The following SLC16A2 variants were observed in gnomAD, a reference collection of about 807,000 sequenced individuals.
SLC16A2 encodes the protein monocarboxylate transporter 8.
SLC16A2 carries 3 observed loss-of-function variants against 27.2 expected under a neutral mutation model. The ratio of observed to expected loss-of-function variants is 0.11; its 90% CI spans 0.05 to 0.28. The LOEUF is 0.28. Among genes scored for constraint, SLC16A2 ranks in the 10% least tolerant of loss-of-function variants. The pLI, the probability that SLC16A2 is intolerant of heterozygous loss-of-function variation, is 1.00. For synonymous variants in SLC16A2, 202 were observed against 187.8 expected (o/e 1.08, Z -0.62); for missense variants, 295 against 458.5 (o/e 0.64, Z 3.26).
At position 74,533,850 on chromosome X, in the gene SLC16A2, G is replaced by A. The variant is rs1054186844; in HGVS notation, c.*2297G>A. On this transcript the variant is annotated 3_prime_UTR_variant, in exon 6 of 6. Coordinates refer to ENST00000587091, the MANE Select transcript of SLC16A2 (RefSeq NM_006517.5). Reference sequence around the variant, plus strand: ...TAAATCTAGAACGAACAAAATTTCAGAGCTCAAGACATGGGACATTTAAAT... The same window carrying A: ...TAAATCTAGAACGAACAAAATTTCAAAGCTCAAGACATGGGACATTTAAAT... 1.8e-5 allele frequency: 2 copies of A among 112,589 alleles called. No homozygotes were observed. The highest frequency in any genetic ancestry group is 6.5e-5 in the African/African-American group (2 of 30,883). The allele number at this position is 112,589 out of a possible 1,213,427, so 9.3% of individuals were successfully genotyped here.
chrX:74,509,791 T>C (rs1339261285), intron 1 of SLC16A2, among the ~76,000 whole-genome samples: 1 of 112,254 alleles, frequency 8.9e-6, no homozygotes, highest in Non-Finnish European at 1.9e-5. Context: ...TGGCTTGAAC[T>C]CCTGACCTCA....
At chrX:74,492,385 T>A (rs1929845307) in intron 1 of SLC16A2, among the ~76,000 whole-genome samples, 1 of 111,109 alleles carries the variant, frequency 9.0e-6, no homozygotes, top group Non-Finnish European at 1.9e-5. Flanking sequence ...GAGCTCCCTG[T>A]CATCACCGAG....
At chrX:74,444,802 C>A (rs988624271) in intron 1 of SLC16A2, among the ~76,000 whole-genome samples, 1 of 111,820 alleles carries the variant, frequency 8.9e-6, no homozygotes, top group African/African-American at 3.3e-5. Flanking sequence ...CTTCCATATA[C>A]ACAATAATGC....
At position 74,499,223 on chromosome X, in the gene SLC16A2, T is replaced by G. The variant is rs146886209; in HGVS notation, c.431-21767T>G. ...CATTCTTAATATCTGATTAGTCTGC[T>G]CTCAGAAAGAATCCTGTTTGGTCAA... On this transcript the variant is annotated intron_variant, in intron 1 of 5. Coordinates refer to ENST00000587091, the MANE Select transcript of SLC16A2 (RefSeq NM_006517.5). Among the ~76,000 whole-genome samples, 17 of 111,051 alleles carry G rather than the reference T, an allele frequency of 1.5e-4. No homozygotes were observed. The East Asian group carries it at 4.8e-3, about 32-fold the overall frequency.
At chrX:74,514,078 G>A (rs919814541) in intron 1 of SLC16A2, among the ~76,000 whole-genome samples, 5 of 111,621 alleles carry the variant, frequency 4.5e-5, no homozygotes, top group African/African-American at 1.6e-4. Flanking sequence ...AGCTAAAAAT[G>A]CTGGACATTA....
chrX:74,513,788 T>C (rs1219742490), intron 1 of SLC16A2, among the ~76,000 whole-genome samples: 1 of 111,343 alleles, frequency 9.0e-6, no homozygotes, highest in Non-Finnish European at 1.9e-5. Flanking sequence ...ATAGAAAATT[T>C]TATTCTGGCC....
chrX:74,507,065 C>CA (rs1930148168), intron 1 of SLC16A2, among the ~76,000 whole-genome samples: 1 of 108,440 alleles, frequency 9.2e-6, no homozygotes, highest in East Asian at 2.9e-4. Context: ...GCTCCCCCCC[C>CA]AACCACAAGT....
Position 74,533,524 on chromosome X carries a change from C to T in SLC16A2, c.*1971C>T, listed in dbSNP as rs917187817. The T allele has an allele frequency of 8.9e-6, 1 of 112,368 alleles. No homozygotes were observed. Among genetic ancestry groups the T allele is most frequent in the African/African-American group, 3.3e-5 (1 of 30,752 alleles). The allele number at this position is 112,368 out of a possible 1,213,427, so 9.3% of individuals were successfully genotyped here. A position where few individuals can be genotyped will look rare whatever the true frequency, so the allele number is the denominator to read the frequency against. ...ACAATGCCCCTGCTTCCATTTCTCC[C>T]CACCTCACTCTCACCAAGTCACCAG... On this transcript the variant is annotated 3_prime_UTR_variant, in exon 6 of 6. Coordinates refer to ENST00000587091, the MANE Select transcript of SLC16A2 (RefSeq NM_006517.5).
At chrX:74,474,383 G>C (rs753587993) in intron 1 of SLC16A2, among the ~76,000 whole-genome samples, 37 of 110,823 alleles carry the variant, frequency 3.3e-4, no homozygotes, top group East Asian at 5.7e-4. Flanking sequence ...CTAGTATATA[G>C]AAATGTAATT....
intron 1 of SLC16A2, among the ~76,000 whole-genome samples, chrX:74,466,535 C>T (rs1365512576): frequency 8.9e-6 from 1 of 112,303 alleles, no homozygotes; most frequent in Non-Finnish European, 1.9e-5. Flanking sequence ...AATGTAAATG[C>T]TATGCAAATA....
At chrX:74,467,137 C>A (rs1929266203) in intron 1 of SLC16A2, among the ~76,000 whole-genome samples, 1 of 112,269 alleles carries the variant, frequency 8.9e-6, no homozygotes, top group Admixed American at 9.4e-5. Flanking sequence ...TTCTACCTTG[C>A]TGCACTTCTT....
At chrX:74,437,475 A>G (rs1928649106) in intron 1 of SLC16A2, among the ~76,000 whole-genome samples, 1 of 111,890 alleles carries the variant, frequency 8.9e-6, no homozygotes, top group African/African-American at 3.3e-5. Flanking sequence ...TACCCTACAC[A>G]TCTTGGCCAG....
intron 1 of SLC16A2, among the ~76,000 whole-genome samples, chrX:74,435,554 T>TATATGTATATATATATATA (rs1491092189): frequency 2.6e-5 from 2 of 76,233 alleles, no homozygotes; most frequent in East Asian, 8.2e-4. Flanking sequence ...TATATATATA[T>TATATGTATATATATATATA]TTTTTTTTTT....
At chrX:74,430,165 T>C (rs1928509176) in intron 1 of SLC16A2, among the ~76,000 whole-genome samples, 1 of 112,689 alleles carries the variant, frequency 8.9e-6, no homozygotes, top group South Asian at 3.6e-4. Flanking sequence ...TACCAACTTA[T>C]TTTAATTCTC....
rs372932921 is a variant in SLC16A2 at position 74,531,565 on chromosome X, C to G, written c.*12C>G. On this transcript the variant is annotated 3_prime_UTR_variant, in exon 6 of 6. Coordinates refer to ENST00000587091, the MANE Select transcript of SLC16A2 (RefSeq NM_006517.5). ...AGGAACCAATCTAATGCCTTTCTTG[C>G]CATTGTGTGCCCTTTCCCAGCTCTT... 1 of 1,148,232 alleles carries G rather than the reference C, an allele frequency of 8.7e-7. No individual in the cohort carries two copies. Among genetic ancestry groups the G allele is most frequent in the Non-Finnish European group, 1.2e-6 (1 of 838,708 alleles). 94.6% of individuals were successfully genotyped at this position (1,148,232 alleles called of 1,213,427 possible). A position where few individuals can be genotyped will look rare whatever the true frequency, so the allele number is the denominator to read the frequency against.
intron 1 of SLC16A2, among the ~76,000 whole-genome samples, chrX:74,479,756 C>T (rs932476346): frequency 8.9e-6 from 1 of 111,968 alleles, no homozygotes; most frequent in African/African-American, 3.2e-5. Context: ...CCACTCCAGA[C>T]CCTGTTTGCC....
At chrX:74,529,523 G>A in intron 5 of SLC16A2, 82 bp downstream of exon 5, 1 of 729,162 alleles carries the variant, frequency 1.4e-6, no homozygotes, top group Non-Finnish European at 2.0e-6. Flanking sequence ...ATCTCTCCTT[G>A]AGGCCCCTTT....
At position 74,472,989 on chromosome X, in the gene SLC16A2, C is replaced by T. The variant is rs72630717; in HGVS notation, c.431-48001C>T. 1,485 of 463,777 alleles carry T rather than the reference C, an allele frequency of 3.2e-3. 19 individuals carry two copies. Among genetic ancestry groups the T allele is most frequent in the East Asian group, 0.026 (592 of 23,176 alleles). The allele number at this position is 463,777 out of a possible 1,213,427, so 38.2% of individuals were successfully genotyped here. The stretch of plus-strand genomic sequence containing the variant: ...CTTCCCTGCCACTTCTCTGGCTCTC[C>T]GCTCCTGCTAAGGTTTGTTTCCTAA... On this transcript the variant is annotated intron_variant, in intron 1 of 5. Coordinates refer to ENST00000587091, the MANE Select transcript of SLC16A2 (RefSeq NM_006517.5).
chrX:74,484,546 A>C (rs1222628318), intron 1 of SLC16A2, among the ~76,000 whole-genome samples: 2 of 111,834 alleles, frequency 1.8e-5, no homozygotes, highest in African/African-American at 6.5e-5. Flanking sequence ...TGTTGATGTT[A>C]ATAACAGAGA....
Sources: allele counts gnomAD v4.1 joint callset (sites outside exome capture counted in the v4.1 genomes callset), GRCh38; gene constraint gnomAD v4.1.1; transcripts MANE v1.5; gene names NCBI Gene and HGNC (gene_info 2026-07-23, HGNC 2026-07-21).